The following SH3PXD2B variants were observed in gnomAD, a reference collection of about 807,000 sequenced individuals.
SH3PXD2B encodes SH3 and PX domain-containing protein 2B.
A neutral mutation model predicts 73.1 loss-of-function variants in SH3PXD2B; 37 were observed. The ratio of observed to expected loss-of-function variants is 0.51; its 90% CI spans 0.39 to 0.67. The LOEUF (loss-of-function observed/expected upper bound fraction) is 0.67. Ranked by LOEUF, SH3PXD2B falls within the 30% of genes least tolerant of loss-of-function variation. The pLI is 0.00. For missense variants in SH3PXD2B, 1,053 were observed against 1,197.8 expected (o/e 0.88, Z 1.78); for synonymous variants, 457 against 480.5 (o/e 0.95, Z 0.64).
At chr5:172,449,028 C>T (rs759292371) in intron 1 of SH3PXD2B, among the ~76,000 whole-genome samples, 24 of 152,194 alleles carry the variant, frequency 1.6e-4, no homozygotes, top group African/African-American at 4.6e-4. Flanking sequence ...CTACTAAGGG[C>T]GCAATCTACT....
intron 3 of SH3PXD2B, among the ~76,000 whole-genome samples, chr5:172,394,897 A>G (rs1242963302): frequency 6.6e-6 from 1 of 152,150 alleles, no homozygotes; most frequent in Non-Finnish European, 1.5e-5. Context: ...GAGATAAGGG[A>G]GGCTGGAAGC....
chr5:172,389,807 C>A (rs1158424834), intron 4 of SH3PXD2B, among the ~76,000 whole-genome samples: 2 of 152,166 alleles, frequency 1.3e-5, no homozygotes, highest in East Asian at 1.9e-4. Context: ...AGATGCCAAT[C>A]AGGAGAGGTT....
At chr5:172,434,263 TA>T (rs1305176707) in intron 1 of SH3PXD2B, among the ~76,000 whole-genome samples, 1 of 152,080 alleles carries the variant, frequency 6.6e-6, no homozygotes, top group Non-Finnish European at 1.5e-5. Flanking sequence ...TATGTATCAA[TA>T]AAATATAAAA....
At position 172,411,206 on chromosome 5, in the gene SH3PXD2B, CT is replaced by C. The variant is rs1220420911; in HGVS notation, c.157-4855del. On this transcript the variant is annotated intron_variant, in intron 2 of 12. Transcript: ENST00000311601. The stretch of plus-strand genomic sequence containing the variant: ...GACAATGAAACACCATTAAAGGGAA[CT>C]TTTTTTTTTTTAAAGAATGCACCAG... Among the ~76,000 whole-genome samples the C allele has an allele frequency of 3.9e-3, 570 of 146,380 alleles. 2 individuals carry two copies. The highest frequency in any genetic ancestry group is 8.9e-3 in the African/African-American group (359 of 40,140).
intron 7 of SH3PXD2B, among the ~76,000 whole-genome samples, chr5:172,360,417 A>C (rs79185204): frequency 0.056 from 8,547 of 152,256 alleles, 342 homozygotes; most frequent in South Asian, 0.22. Flanking sequence ...GATTCAAACC[A>C]AGGCGGTCTC....
chr5:172,333,356 A>G (rs2113227590), downstream of SH3PXD2B: 1 of 304,408 alleles, frequency 3.3e-6, no homozygotes, highest in Non-Finnish European at 5.4e-6. Context: ...AAGGTGCACT[A>G]TGGCCCAGAG....
chr5:172,422,910 A>C (rs1471225198), intron 1 of SH3PXD2B, among the ~76,000 whole-genome samples: 18 of 152,174 alleles, frequency 1.2e-4, no homozygotes, highest in Admixed American at 9.2e-4. Context: ...TATCTTCCAC[A>C]GGCCAGCCCA....
intron 1 of SH3PXD2B, among the ~76,000 whole-genome samples, chr5:172,438,047 C>T (rs965881068): frequency 6.6e-6 from 1 of 152,220 alleles, no homozygotes; most frequent in Admixed American, 6.5e-5. Context: ...AAACACACCA[C>T]ACAGGCACAA....
At position 172,421,165 on chromosome 5, in the gene SH3PXD2B, C is replaced by T. The variant is rs918440901; in HGVS notation, c.156+1251G>A. Among the ~76,000 whole-genome samples the T allele has an allele frequency of 9.9e-5, 15 of 152,134 alleles. No homozygotes were observed. The highest frequency in any genetic ancestry group is 8.3e-4 in the South Asian group (4 of 4,828). ...GGGAGAAGACACATGTTCAGAAAGCCGGGCAAGTTCCCAATGTCTCCCGAG... is the reference window on the plus strand; with the variant it reads ...GGGAGAAGACACATGTTCAGAAAGCTGGGCAAGTTCCCAATGTCTCCCGAG... On this transcript the variant is annotated intron_variant, in intron 2 of 12. Coordinates refer to ENST00000311601, the MANE Select transcript of SH3PXD2B (RefSeq NM_001017995.3). The surrounding 1 kb of genome is among the most constrained non-coding windows in gnomAD (Gnocchi z 4.0).
intron 1 of SH3PXD2B, among the ~76,000 whole-genome samples, chr5:172,436,102 A>T (rs1324539862): frequency 6.6e-6 from 1 of 152,196 alleles, no homozygotes; most frequent in East Asian, 1.9e-4. Flanking sequence ...TTCTGCTTCC[A>T]TGACAGTGTC....
chr5:172,414,018 C>T (rs1048301765), intron 2 of SH3PXD2B, among the ~76,000 whole-genome samples: 2 of 152,198 alleles, frequency 1.3e-5, no homozygotes, highest in Non-Finnish European at 2.9e-5. Flanking sequence ...TCTGCCATCC[C>T]CTAGACCTGT....
At chr5:172,412,902 G>C (rs1040026179) in intron 2 of SH3PXD2B, among the ~76,000 whole-genome samples, 6 of 152,228 alleles carry the variant, frequency 3.9e-5, no homozygotes, top group East Asian at 1.9e-4. Context: ...AGTAGGAAGG[G>C]AGAAGGAGTC....
rs1020786993 is a variant in SH3PXD2B at position 172,334,986 on chromosome 5, C to T, written c.*3383G>A. 7 of 985,312 alleles carry T rather than the reference C, an allele frequency of 7.1e-6. No homozygotes were observed. Among genetic ancestry groups the T allele is most frequent in the Middle Eastern group, 1.0e-3 (2 of 1,936 alleles). 61.0% of individuals were successfully genotyped at this position (985,312 alleles called of 1,614,324 possible). A position where few individuals can be genotyped will look rare whatever the true frequency, so the allele number is the denominator to read the frequency against. ...AACCTGGCATGGGCTCCAGCGATCC[C>T]CCAGTAGGGAAGGGCCATTAAAAGC... On this transcript the variant is annotated 3_prime_UTR_variant, in exon 13 of 13. Transcript: ENST00000311601.
intron 1 of SH3PXD2B, among the ~76,000 whole-genome samples, chr5:172,441,573 A>G (rs1759550751): frequency 6.6e-6 from 1 of 152,168 alleles, no homozygotes. Flanking sequence ...GATGAACTCA[A>G]TGTGTACGTG....
rs1243057853 is a variant in SH3PXD2B at position 172,339,744 on chromosome 5, G to C, written c.1361C>G (p.Ala454Gly). 4 of 1,613,478 alleles carry C rather than the reference G, an allele frequency of 2.5e-6. No homozygotes were observed. In the East Asian group the frequency reaches 6.7e-5, roughly 27 times the overall value. Residue 454 changes from alanine to glycine, a missense_variant, in exon 13 of 13, where the codon GCG becomes GGG. This residue lies in a region of SH3PXD2B where 466 missense variants were observed against 607.1 expected (regional missense o/e 0.77). Transcript: ENST00000311601. The surrounding 1 kb of genome is among the most constrained non-coding windows in gnomAD (Gnocchi z 6.1). Reference protein sequence around the residue: ...VTQLRLGEAAALENNTGSEAT... With the variant: ...VTQLRLGEAAGLENNTGSEAT... ...TTCGCTGCCCGTGTTGTTCTCCAGCGCTGCTGCTTCCCCCAGCCGGAGCTG... is the reference window on the plus strand; with the variant it reads ...TTCGCTGCCCGTGTTGTTCTCCAGCCCTGCTGCTTCCCCCAGCCGGAGCTG...
downstream of SH3PXD2B, among the ~76,000 whole-genome samples, chr5:172,330,804 T>C (rs1178682552): frequency 6.6e-6 from 1 of 152,212 alleles, no homozygotes; most frequent in Non-Finnish European, 1.5e-5. Context: ...TCCTCACCCA[T>C]AAAATGGATG....
intron 1 of SH3PXD2B, among the ~76,000 whole-genome samples, chr5:172,439,731 CAG>C (rs1759509436): frequency 7.4e-5 from 11 of 148,924 alleles, no homozygotes; most frequent in African/African-American, 2.7e-4. Context: ...CACACACACA[CAG>C]CTGCCCACCC....
Position 172,326,857 on chromosome 5 carries a change from A to ATTTTTTTTT in SH3PXD2B, c.1189-1486_1189-1478dup, listed in dbSNP as rs1175095358. ...TACTAGGCAATGAAAATGTCTCAAGATTTTTTTTTTTTTTTTTGCGACAGA... is the reference window on the plus strand; with the variant it reads ...TACTAGGCAATGAAAATGTCTCAAGATTTTTTTTTTTTTTTTTTTTTTTTTTGCGACAGA... On this transcript the variant is annotated intron_variant, in intron 12 of 12. Transcript: ENST00000519643. 1.3e-3 allele frequency among the ~76,000 whole-genome samples: 177 copies of ATTTTTTTTT among 135,610 alleles called. 3 individuals carry two copies. Among genetic ancestry groups the ATTTTTTTTT allele is most frequent in the African/African-American group, 4.6e-3 (170 of 36,780 alleles). The allele number at this position is 135,610 out of a possible 152,430, so 89.0% of individuals were successfully genotyped here. A position where few individuals can be genotyped will look rare whatever the true frequency, so the allele number is the denominator to read the frequency against.
At chr5:172,401,586 A>G (rs1561924051) in intron 3 of SH3PXD2B, among the ~76,000 whole-genome samples, 1 of 152,232 alleles carries the variant, frequency 6.6e-6, no homozygotes, top group Admixed American at 6.5e-5. Flanking sequence ...GCACATTTAT[A>G]TAAAAAGAAA....
Sources: allele counts gnomAD v4.1 joint callset (sites outside exome capture counted in the v4.1 genomes callset), GRCh38; gene constraint gnomAD v4.1.1; regional missense constraint gnomAD v4.1.1; non-coding constraint Gnocchi (gnomAD v3.1); transcripts MANE v1.5; gene names NCBI Gene and HGNC (gene_info 2026-07-23, HGNC 2026-07-21).